The following LRMDA variants were observed in gnomAD, a reference collection of about 807,000 sequenced individuals.
LRMDA encodes leucine rich melanocyte differentiation associated.
LRMDA carries 18 observed loss-of-function variants against 29.8 expected under a neutral mutation model. That is an observed-to-expected ratio of 0.60 (90% confidence interval 0.42 to 0.90). The LOEUF is 0.90. Among genes scored for constraint, LRMDA ranks in the 40% least tolerant of loss-of-function variants. LRMDA has a pLI of 0.00. For synonymous variants in LRMDA, 125 were observed against 109.4 expected, an observed-to-expected ratio of 1.14 and a Z score of -0.89; for missense variants, 273 against 273.9, an observed-to-expected ratio of 1.00 and a Z score of 0.02.
chr10:76,033,260 T>C (rs937596249), intron 2 of LRMDA, among the ~76,000 whole-genome samples: 1 of 152,150 alleles, frequency 6.6e-6, no homozygotes, highest in South Asian at 2.1e-4. Flanking sequence ...ACCACACTGA[T>C]AACATGAAAA....
intron 5 of LRMDA, among the ~76,000 whole-genome samples, chr10:76,193,655 A>G (rs1463584383): frequency 1.3e-5 from 2 of 152,284 alleles, no homozygotes; most frequent in East Asian, 1.9e-4. Context: ...GCAATCTTCA[A>G]TGACAGTGAA....
chr10:75,718,312 C>A (rs1186280955), intron 2 of LRMDA, among the ~76,000 whole-genome samples: 1 of 152,142 alleles, frequency 6.6e-6, no homozygotes, highest in Non-Finnish European at 1.5e-5. Flanking sequence ...TGTCTGGAAC[C>A]AATGGGCTTT....
intron 6 of LRMDA, among the ~76,000 whole-genome samples, chr10:76,457,231 C>A (rs1842465688): frequency 6.6e-6 from 1 of 152,178 alleles, no homozygotes; most frequent in Non-Finnish European, 1.5e-5. Context: ...TCCGCGTCAG[C>A]CATGGGACAA....
intron 2 of LRMDA, among the ~76,000 whole-genome samples, chr10:75,895,362 G>T (rs1845564012): frequency 6.6e-6 from 1 of 152,132 alleles, no homozygotes; most frequent in South Asian, 2.1e-4. Context: ...CTCACTATAT[G>T]CCATGTGCTG....
intron 6 of LRMDA, among the ~76,000 whole-genome samples, chr10:76,418,383 A>G (rs1014721267): frequency 2.6e-5 from 4 of 151,466 alleles, no homozygotes; most frequent in African/African-American, 9.7e-5. Context: ...TCTTGTACAT[A>G]TTTCATTATA....
chr10:75,580,942 A>G (rs56024449), intron 2 of LRMDA, among the ~76,000 whole-genome samples: 7,752 of 152,264 alleles, frequency 0.051, 277 homozygotes, highest in Non-Finnish European at 0.081. Flanking sequence ...AGACTTAAAC[A>G]TAAGACCTAA....
chr10:76,291,938 A>G (rs1043102713), intron 5 of LRMDA, among the ~76,000 whole-genome samples: 11 of 149,860 alleles, frequency 7.3e-5, no homozygotes, highest in South Asian at 2.1e-4. Flanking sequence ...ACGTGCACAC[A>G]CACACACACA....
chr10:76,449,478 T>C (rs1201038478), intron 6 of LRMDA, among the ~76,000 whole-genome samples: 1 of 151,964 alleles, frequency 6.6e-6, no homozygotes, highest in East Asian at 1.9e-4. Flanking sequence ...TATACTATTG[T>C]TTCAATAAAA....
chr10:75,675,371 A>G (rs1170428243), intron 2 of LRMDA, among the ~76,000 whole-genome samples: 1 of 152,208 alleles, frequency 6.6e-6, no homozygotes, highest in Non-Finnish European at 1.5e-5. Flanking sequence ...TGAAACCTTG[A>G]TCAGTTATAT....
rs529237313 is a variant in LRMDA, at chr10:76,225,876, C to A, written c.517-98525C>A. On this transcript the variant is annotated intron_variant, in intron 5 of 6. Transcript: ENST00000611255. ...TATCTCCTAATGCTATCCCTCCCCC[C>A]TCCCCCCACCCCACAACAGCCCCCG... Among the ~76,000 whole-genome samples the A allele has an allele frequency of 9.7e-5, 12 of 123,768 alleles. No homozygotes were observed. The South Asian group carries it at 4.0e-3, about 41-fold the overall frequency. The allele number at this position is 123,768 out of a possible 152,430, so 81.2% of individuals were successfully genotyped here.
At chr10:75,878,244 T>C (rs1845232602) in intron 2 of LRMDA, among the ~76,000 whole-genome samples, 1 of 151,696 alleles carries the variant, frequency 6.6e-6, no homozygotes, top group African/African-American at 2.4e-5. Context: ...AAAAATCAGA[T>C]TACATGTGGG....
At chr10:75,714,986 G>T (rs1266431477) in intron 2 of LRMDA, among the ~76,000 whole-genome samples, 1 of 151,948 alleles carries the variant, frequency 6.6e-6, no homozygotes, top group African/African-American at 2.4e-5. Context: ...AGGGGAACTG[G>T]TTTCTTTTTG....
chr10:76,056,138 G>A (rs1449904822), intron 4 of LRMDA, among the ~76,000 whole-genome samples: 5 of 152,170 alleles, frequency 3.3e-5, no homozygotes, highest in African/African-American at 1.2e-4. Flanking sequence ...CTTTCTGCAG[G>A]CAGGTCATCT....
chr10:76,551,709 T>C lies in LRMDA; in HGVS notation c.602-5500T>C, dbSNP rs1843497483. Among the ~76,000 whole-genome samples the C allele has an allele frequency of 2.6e-5, 4 of 152,210 alleles. No individual in the cohort carries two copies. In the South Asian group the frequency reaches 8.3e-4, roughly 32 times the overall value. On this transcript the variant is annotated intron_variant, in intron 6 of 6. Coordinates refer to ENST00000611255, the MANE Select transcript of LRMDA (RefSeq NM_001305581.2). ...GGTTTTAGGTACCGGGTGTTAGAAA[T>C]TGGGGAGGAGGGAGAATATTATAGG...
intron 2 of LRMDA, among the ~76,000 whole-genome samples, chr10:75,628,875 C>T (rs1312077687): frequency 6.6e-6 from 1 of 152,234 alleles, no homozygotes. Context: ...ACTTGCCTTT[C>T]ACACTGCTTC....
chr10:76,031,081 C>T (rs896443212), intron 2 of LRMDA, among the ~76,000 whole-genome samples: 2 of 152,156 alleles, frequency 1.3e-5, no homozygotes, highest in Non-Finnish European at 2.9e-5. Flanking sequence ...AACAACTGCA[C>T]TGTCCAATTA....
At chr10:76,418,488 T>C (rs575398207) in intron 6 of LRMDA, among the ~76,000 whole-genome samples, 78 of 152,054 alleles carry the variant, frequency 5.1e-4, no homozygotes, top group Non-Finnish European at 1.0e-3. Context: ...CTCATATGTT[T>C]ATTTTGAAGC....
chr10:75,732,570 C>T (rs1266846053), intron 2 of LRMDA, among the ~76,000 whole-genome samples: 1 of 152,166 alleles, frequency 6.6e-6, no homozygotes, highest in African/African-American at 2.4e-5. Flanking sequence ...GAGAGCCTCC[C>T]CTGGGTTCTT....
intron 2 of LRMDA, among the ~76,000 whole-genome samples, chr10:75,856,829 C>T (rs530834272): frequency 6.6e-6 from 1 of 152,178 alleles, no homozygotes; most frequent in East Asian, 1.9e-4. Flanking sequence ...AAGTTCTGGC[C>T]AGGGCAATCA....
Sources: gnomAD v4.1 joint callset for allele counts (sites outside exome capture counted in the v4.1 genomes callset) on GRCh38, gnomAD v4.1.1 for gene constraint, MANE v1.5 for transcripts, NCBI Gene and HGNC (gene_info 2026-07-23, HGNC 2026-07-21) for gene names.